The following HERC5 variants were observed in gnomAD, a reference collection of about 807,000 sequenced individuals.
The protein encoded by HERC5 is HECT and RLD domain containing E3 ubiquitin protein ligase 5, also known as E3 ISG15--protein ligase HERC5.
In HERC5, 99 loss-of-function variants were observed where a neutral mutation model predicts 119.6. That is an observed-to-expected ratio of 0.83 (90% CI 0.70 to 0.98). The LOEUF is 0.98. Among genes scored for constraint, HERC5 ranks in the 50% least tolerant of loss-of-function variants. The probability of loss-of-function intolerance (pLI) is 0.00; values close to 1 mark genes in which losing one functional copy is unlikely to be tolerated. For missense variants in HERC5, 1,267 were observed against 1,241.3 expected (o/e 1.02, Z -0.31); for synonymous variants, 478 against 445.9 (o/e 1.07, Z -0.91).
Position 88,475,823 on chromosome 4 carries a change from G to T in HERC5, c.1393-18G>T. On this transcript the variant is annotated intron_variant, in intron 11 of 22. Transcript: ENST00000264350. ...ACTGAGTTTTGAATCCCTTTTCCCT[G>T]TTCCTTTCTGACCACAGATAACCAC... 2 of 1,611,526 alleles carry T rather than the reference G, an allele frequency of 1.2e-6. No homozygotes were observed. The highest frequency in any genetic ancestry group is 1.3e-5 in the African/African-American group (1 of 74,852).
chr4:88,482,047 T>G (rs28410134), intron 13 of HERC5, among the ~76,000 whole-genome samples: 64,392 of 151,902 alleles, frequency 0.42, 15,545 homozygotes, highest in East Asian at 0.81. Context: ...GGTGGCTCAT[T>G]CCTGTAATCC....
chr4:88,499,186 C>T (rs1741881739), intron 18 of HERC5, among the ~76,000 whole-genome samples: 2 of 152,198 alleles, frequency 1.3e-5, no homozygotes, highest in South Asian at 4.1e-4. Flanking sequence ...AGACTCCCAT[C>T]AGCATACCTC....
chr4:88,477,592 AGGAG>A (rs1337579010), intron 12 of HERC5, among the ~76,000 whole-genome samples: 18 of 60,832 alleles, frequency 3.0e-4, no homozygotes, highest in African/African-American at 6.6e-4. Context: ...GAAGGGAAGG[AGGAG>A]GGAGGGAGGG....
intron 12 of HERC5, among the ~76,000 whole-genome samples, chr4:88,477,950 G>A (rs998501110): frequency 5.9e-5 from 9 of 152,006 alleles, no homozygotes; most frequent in Non-Finnish European, 8.8e-5. Context: ...ATTCACGAAC[G>A]ATTTTTAATT....
At chr4:88,479,061 G>A (rs569331119) in intron 12 of HERC5, among the ~76,000 whole-genome samples, 8 of 152,176 alleles carry the variant, frequency 5.3e-5, no homozygotes, top group East Asian at 3.9e-4. Context: ...AAAGGTGGGC[G>A]GATCACCTGA....
chr4:88,494,401 G>A (rs1226343034), intron 18 of HERC5, 70 bp downstream of exon 18: 8 of 1,236,944 alleles, frequency 6.5e-6, no homozygotes, highest in South Asian at 1.4e-5. Context: ...AAGTACACAC[G>A]CTTCATAATA....
chr4:88,476,139 G>A lies in HERC5; in HGVS notation c.1582+109G>A, dbSNP rs939920968. 6.3e-6 allele frequency: 5 copies of A among 795,600 alleles called. No individual in the cohort carries two copies. The African/African-American group carries it at 7.0e-5, about 11-fold the overall frequency. 49.3% of individuals were successfully genotyped at this position (795,600 alleles called of 1,614,324 possible). On this transcript the variant is annotated intron_variant, in intron 12 of 22. Coordinates refer to ENST00000264350, the MANE Select transcript of HERC5 (RefSeq NM_016323.4). ...TTAGAAATGTATTCATTTTTTTTTA[G>A]TTCGTATTGTTAGCATACTCTAAAG...
Position 88,457,210 on chromosome 4 carries a change from A to T in HERC5, c.-60A>T. ...AACGCCTGAGGCAGTGGGCGCGCTC[A>T]GTCCCGGGACCAGGCGTTCTCTCCT... is the stretch of plus-strand genomic sequence containing the variant. On this transcript the variant is annotated 5_prime_UTR_variant, in exon 1 of 23. Coordinates refer to ENST00000264350, the MANE Select transcript of HERC5 (RefSeq NM_016323.4). 1 of 1,245,538 alleles carries T rather than the reference A, an allele frequency of 8.0e-7. No homozygotes were observed. The highest frequency in any genetic ancestry group is 1.0e-6 in the Non-Finnish European group (1 of 993,484). The allele number at this position is 1,245,538 out of a possible 1,614,324, so 77.2% of individuals were successfully genotyped here. A position where few individuals can be genotyped will look rare whatever the true frequency, so the allele number is the denominator to read the frequency against.
At chr4:88,478,566 A>ATTTTATTGT in intron 12 of HERC5, among the ~76,000 whole-genome samples, 1 of 152,034 alleles carries the variant, frequency 6.6e-6, no homozygotes, top group Admixed American at 6.6e-5. Flanking sequence ...CGTATTAGGG[A>ATTTTATTGT]TTTTATTGTT....
chr4:88,489,368 T>G, intron 16 of HERC5, 32 bp downstream of exon 16: 18 of 1,553,324 alleles, frequency 1.2e-5, no homozygotes, highest in Non-Finnish European at 1.4e-5. Flanking sequence ...ATGTTTTTGC[T>G]GCTGAGAAAA....
chr4:88,495,210 G>T (rs1741763922), intron 18 of HERC5, among the ~76,000 whole-genome samples: 1 of 151,988 alleles, frequency 6.6e-6, no homozygotes, highest in South Asian at 2.1e-4. Flanking sequence ...TATATTTTTG[G>T]TATACTTATG....
chr4:88,493,184 T>C, intron 17 of HERC5, 29 bp downstream of exon 17: 1 of 1,609,666 alleles, frequency 6.2e-7, no homozygotes, highest in South Asian at 1.1e-5. Flanking sequence ...GCTTAAGGTA[T>C]TTTGCGACAG....
chr4:88,469,136 T>C lies in HERC5; in HGVS notation c.1135-21T>C, dbSNP rs555193697. On this transcript the variant is annotated intron_variant, in intron 8 of 22. Coordinates refer to ENST00000264350, the MANE Select transcript of HERC5 (RefSeq NM_016323.4). The stretch of plus-strand genomic sequence containing the variant: ...CTGATGTGTCTAAATTATTGTATTT[T>C]ACTTTCCTGTTTGTTTACAGAATTC... The C allele has an allele frequency of 4.6e-6, 7 of 1,524,200 alleles. No homozygotes were observed. The African/African-American group carries it at 9.6e-5, about 21-fold the overall frequency. 94.4% of individuals were successfully genotyped at this position (1,524,200 alleles called of 1,614,324 possible). A position where few individuals can be genotyped will look rare whatever the true frequency, so the allele number is the denominator to read the frequency against.
chr4:88,470,075 C>T (rs960511143), intron 9 of HERC5, among the ~76,000 whole-genome samples: 1 of 152,214 alleles, frequency 6.6e-6, no homozygotes, highest in African/African-American at 2.4e-5. Context: ...TTCTTACAAA[C>T]ATCATCTTTT....
At chr4:88,492,356 A>C (rs1056977316) in intron 16 of HERC5, among the ~76,000 whole-genome samples, 1 of 152,010 alleles carries the variant, frequency 6.6e-6, no homozygotes, top group African/African-American at 2.4e-5. Flanking sequence ...TCTGGTGACT[A>C]TAATAGTGAT....
intron 14 of HERC5, 134 bp from the exon 15 acceptor site, chr4:88,486,935 A>G: frequency 1.8e-6 from 1 of 570,936 alleles, no homozygotes; most frequent in Non-Finnish European, 3.1e-6. Context: ...TACTGGTACT[A>G]TGGACCAGTA....
chr4:88,505,571 A>T (rs1403660736), intron 22 of HERC5, 102 bp from the exon 23 acceptor site: 3 of 678,274 alleles, frequency 4.4e-6, no homozygotes, highest in East Asian at 5.4e-5. Context: ...GACACTGCAC[A>T]TGGGCTCCAG....
At chr4:88,468,967 C>T (rs570405581) in intron 8 of HERC5, among the ~76,000 whole-genome samples, 190 bp from the exon 9 acceptor site, 5 of 152,256 alleles carry the variant, frequency 3.3e-5, no homozygotes, top group Admixed American at 2.0e-4. Flanking sequence ...GTCTAAGCCC[C>T]CTTGGACAAG....
In HERC5 at chr4:88,475,835, C is replaced by T; in HGVS notation, c.1393-6C>T. ...ATCCCTTTTCCCTGTTCCTTTCTGACCACAGATAACCACCTGCCTCAAAGA... is the reference window on the plus strand; with the variant it reads ...ATCCCTTTTCCCTGTTCCTTTCTGATCACAGATAACCACCTGCCTCAAAGA... On this transcript the variant is annotated splice_polypyrimidine_tract_variant and splice_region_variant and intron_variant, in intron 11 of 22. Coordinates refer to ENST00000264350, the MANE Select transcript of HERC5 (RefSeq NM_016323.4). 1 of 1,613,176 alleles carries T rather than the reference C, an allele frequency of 6.2e-7. No homozygotes were observed. Among genetic ancestry groups the T allele is most frequent in the Non-Finnish European group, 8.5e-7 (1 of 1,179,450 alleles).
Sources: gnomAD v4.1 joint callset for allele counts (sites outside exome capture counted in the v4.1 genomes callset) on GRCh38, gnomAD v4.1.1 for gene constraint, MANE v1.5 for transcripts, NCBI Gene and HGNC (gene_info 2026-07-23, HGNC 2026-07-21) for gene names.